ZNF540: variants seen among roughly 807,000 people sequenced by gnomAD.
ZNF540 encodes CTD-3064H18.6.
Under a neutral mutation model 11.8 loss-of-function variants are expected in ZNF540, and 3 were observed. The observed-to-expected ratio is 0.25, with a 90% CI of 0.12 to 0.65. ZNF540 has a LOEUF of 0.65. Among genes scored for constraint, ZNF540 ranks in the 30% least tolerant of loss-of-function variants. The pLI is 0.83. For synonymous variants in ZNF540, 247 were observed against 259.0 expected (o/e 0.95, Z 0.45); for missense variants, 709 against 793.1 (o/e 0.89, Z 1.27).
intron 1 of ZNF540, chr19:37,575,396 C>T (rs1014773868): frequency 3.9e-5 from 6 of 152,162 alleles, no homozygotes; most frequent in African/African-American, 1.4e-4. Flanking sequence ...ATTTACCATA[C>T]AAATACTGTT....
intron 1 of ZNF540, among the ~76,000 whole-genome samples, chr19:37,589,734 C>T (rs763036448): frequency 7.3e-5 from 11 of 151,454 alleles, no homozygotes; most frequent in African/African-American, 7.3e-5. Context: ...GGCGTGGTGG[C>T]GGGCATCTGT....
intron 1 of ZNF540, chr19:37,586,219 T>C (rs2043668759): frequency 6.5e-6 from 1 of 154,734 alleles, no homozygotes; most frequent in African/African-American, 2.4e-5. Context: ...ATTTTCAAAC[T>C]TTCACAGAAA....
chr19:37,588,476 G>A (rs1417481545), intron 1 of ZNF540, among the ~76,000 whole-genome samples: 1 of 152,118 alleles, frequency 6.6e-6, no homozygotes, highest in Non-Finnish European at 1.5e-5. Context: ...AATACCACAT[G>A]TTGTCCTTTA....
chr19:37,572,443 C>T (rs1181451712), intron 1 of ZNF540, among the ~76,000 whole-genome samples: 1 of 152,182 alleles, frequency 6.6e-6, no homozygotes, highest in Non-Finnish European at 1.5e-5. Flanking sequence ...ATCCCTCTGA[C>T]CAGCATATTG....
intron 1 of ZNF540, chr19:37,584,124 G>A: frequency 6.2e-7 from 1 of 1,613,440 alleles, no homozygotes; most frequent in Non-Finnish European, 8.5e-7. Context: ...ATTACAGGAT[G>A]ATTCTACAGG....
intron 1 of ZNF540, chr19:37,565,745 C>T (rs1172557548): frequency 1.2e-6 from 2 of 1,613,890 alleles, no homozygotes; most frequent in East Asian, 2.2e-5. Flanking sequence ...AGCTTTCCCA[C>T]ATGCGTTACA....
chr19:37,581,244 T>C (rs1339189786), intron 1 of ZNF540, among the ~76,000 whole-genome samples: 1 of 152,118 alleles, frequency 6.6e-6, no homozygotes, highest in African/African-American at 2.4e-5. Context: ...TACCCCCAAT[T>C]GCCAAATCCA....
intron 1 of ZNF540, among the ~76,000 whole-genome samples, chr19:37,567,449 T>A (rs542467476): frequency 1.3e-5 from 2 of 152,352 alleles, no homozygotes; most frequent in African/African-American, 4.8e-5. Context: ...CAAACTCCTA[T>A]TCATGGCCTA....
At position 37,613,877 on chromosome 19, in the gene ZNF540, A is replaced by C. The variant is rs2044151728; in HGVS notation, c.*614A>C. On this transcript the variant is annotated 3_prime_UTR_variant, in exon 5 of 5. Transcript: ENST00000316433. ...TTTGAAGGTAGGGCCTTTAGGAGGA[A>C]ATTAGGTCATGAGGGTGGAGCCTTC... The C allele has an allele frequency of 2.5e-6, 1 of 398,432 alleles. No individual in the cohort carries two copies. Among genetic ancestry groups the C allele is most frequent in the Admixed American group, 4.4e-5 (1 of 22,712 alleles). The allele number at this position is 398,432 out of a possible 1,614,324, so 24.7% of individuals were successfully genotyped here.
At chr19:37,565,048 T>C (rs373632132) in intron 1 of ZNF540, 4 of 1,613,896 alleles carry the variant, frequency 2.5e-6, no homozygotes, top group African/African-American at 1.3e-5. Context: ...GAGTAAGATA[T>C]GCAACACGAA....
chr19:37,558,694 C>T (rs1425182608), intron 1 of ZNF540, among the ~76,000 whole-genome samples: 1 of 152,098 alleles, frequency 6.6e-6, no homozygotes, highest in Non-Finnish European at 1.5e-5. Flanking sequence ...CCTGCACCAG[C>T]CAGCATGTCT....
intron 4 of ZNF540, among the ~76,000 whole-genome samples, chr19:37,601,350 T>G (rs974682312): frequency 6.6e-6 from 1 of 152,202 alleles, no homozygotes; most frequent in Non-Finnish European, 1.5e-5. Context: ...TACTCTCCAT[T>G]TCAGTAAAGG....
rs1256167142 is a variant in ZNF540 at position 37,612,838 on chromosome 19, G to T, written c.1558G>T (p.Glu520Ter). ...TGAACACCAGAGAATTCACACTGGT[G>T]AAAAGCCCTATAAATGTAAAGAATG... ...LTEHQRIHTG[E>*]KPYKCKECGK... Residue 520 changes from glutamate (E) to a stop codon, truncating the protein, a stop_gained, in exon 5 of 5, where the codon GAA (glutamate) becomes TAA (stop). Transcript: ENST00000316433. LOFTEE classifies it low-confidence loss of function (END_TRUNC). 6.2e-7 allele frequency: 1 copy of T among 1,613,954 alleles called. No homozygotes were observed. The highest frequency in any genetic ancestry group is 1.3e-5 in the African/African-American group (1 of 74,920).
upstream of ZNF540, among the ~76,000 whole-genome samples, chr19:37,592,301 C>T (rs2043891582): frequency 6.6e-6 from 1 of 152,122 alleles, no homozygotes. Flanking sequence ...ACGTTATAAC[C>T]TTTAGGTCAG....
Position 37,569,475 on chromosome 19 carries a change from C to T in ZNF540, c.-73+17810C>T, listed in dbSNP as rs2042982514. Among the ~76,000 whole-genome samples, 1 of 152,106 alleles carries T rather than the reference C, an allele frequency of 6.6e-6. No individual in the cohort carries two copies. Among genetic ancestry groups the T allele is most frequent in the African/African-American group, 2.4e-5 (1 of 41,386 alleles). On this transcript the variant is annotated intron_variant, in intron 1 of 4. Coordinates refer to the ZNF540 transcript ENST00000592533. The surrounding 1 kb of genome is among the most constrained non-coding windows in gnomAD (Gnocchi z 4.4). ...GACTAAAATTTCATAGTAAGAAATA[C>T]ATATTATGACTGAGTACACACACTC...
upstream of ZNF540, among the ~76,000 whole-genome samples, chr19:37,589,831 C>T (rs953283247): frequency 1.6e-5 from 2 of 128,298 alleles, no homozygotes; most frequent in African/African-American, 6.2e-5. Context: ...CGCCACTGCA[C>T]TCCAGCCTGG....
In ZNF540 at chr19:37,611,969, TTACTCTGCATCAGAGATTTC is replaced by T; in HGVS notation, c.690_709del (p.Thr231TyrfsTer3). ...AAAGTTTTTAGTCATAGCTATCAACTTACTCTGCATCAGAGATTTCATACTGGTGAGAAACCCTATGAATG... is the reference window on the plus strand; with the variant it reads ...AAAGTTTTTAGTCATAGCTATCAACTATACTGGTGAGAAACCCTATGAATG... On this transcript the variant is annotated frameshift_variant, in exon 5 of 5. Transcript: ENST00000316433. LOFTEE classifies it low-confidence loss of function (END_TRUNC). The T allele has an allele frequency of 6.2e-7, 1 of 1,613,648 alleles. No individual in the cohort carries two copies.
chr19:37,566,159 A>T (rs1403133614), intron 1 of ZNF540: 1 of 1,613,884 alleles, frequency 6.2e-7, no homozygotes, highest in African/African-American at 1.3e-5. Flanking sequence ...TTTGCACTCC[A>T]TATTGTCTCC....
intron 1 of ZNF540, among the ~76,000 whole-genome samples, chr19:37,568,840 T>C (rs1449462166): frequency 6.6e-6 from 1 of 152,056 alleles, no homozygotes; most frequent in Non-Finnish European, 1.5e-5. Context: ...GGAGGAGTCA[T>C]TTTAGGAGGT....
Sources: gnomAD v4.1 joint callset for allele counts (sites outside exome capture counted in the v4.1 genomes callset) on GRCh38, gnomAD v4.1.1 for gene constraint, Gnocchi (gnomAD v3.1) non-coding constraint, MANE v1.5 for transcripts, NCBI Gene and HGNC (gene_info 2026-07-23, HGNC 2026-07-21) for gene names.